The following SNTG1 variants were observed in gnomAD, a reference collection of about 807,000 sequenced individuals.
SNTG1 encodes the protein gamma-1-syntrophin.
SNTG1 carries 39 observed loss-of-function variants against 74.7 expected under a neutral mutation model. That is an observed-to-expected ratio of 0.52 (90% CI 0.40 to 0.68). The LOEUF is 0.68. Ranked by LOEUF, SNTG1 falls within the 30% of genes least tolerant of loss-of-function variation. The pLI is 0.00. For synonymous variants in SNTG1, 254 were observed against 217.1 expected, an observed-to-expected ratio of 1.17 and a Z score of -1.49; for missense variants, 685 against 609.5, an observed-to-expected ratio of 1.12 and a Z score of -1.30.
intron 2 of SNTG1, among the ~76,000 whole-genome samples, chr8:50,243,171 G>A (rs986457650): frequency 3.9e-5 from 1 of 25,734 alleles, no homozygotes; most frequent in Non-Finnish European, 4.0e-4. Flanking sequence ...AATGAGTCCT[G>A]AATTATCTTA....
intron 1 of SNTG1, among the ~76,000 whole-genome samples, chr8:50,017,405 A>T (rs551933694): frequency 6.6e-6 from 1 of 152,114 alleles, no homozygotes; most frequent in African/African-American, 2.4e-5. Flanking sequence ...CAAATAACAG[A>T]TGCAAATCCT....
chr8:50,037,477 A>C (rs1375648194), intron 1 of SNTG1, among the ~76,000 whole-genome samples: 1 of 152,198 alleles, frequency 6.6e-6, no homozygotes, highest in African/African-American at 2.4e-5. Flanking sequence ...CTGAAAATGA[A>C]ATTTATAGTA....
chr8:50,689,263 C>T (rs2095366879), intron 15 of SNTG1, among the ~76,000 whole-genome samples: 1 of 152,062 alleles, frequency 6.6e-6, no homozygotes, highest in Non-Finnish European at 1.5e-5. Context: ...GCCTGATTGC[C>T]CTGGCCAGAA....
intron 11 of SNTG1, 146 bp downstream of exon 11, chr8:50,536,954 A>C: frequency 9.6e-7 from 1 of 1,045,598 alleles, no homozygotes; most frequent in East Asian, 2.7e-5. Flanking sequence ...AATCTAACAA[A>C]GTTAAACACT....
intron 12 of SNTG1, among the ~76,000 whole-genome samples, chr8:50,557,192 G>A (rs1440946794): frequency 1.3e-5 from 2 of 150,918 alleles, no homozygotes; most frequent in Admixed American, 6.6e-5. Flanking sequence ...TGGTGGCAGG[G>A]GTAGAGGTTG....
chr8:50,444,036 G>A (rs13266691), intron 5 of SNTG1, among the ~76,000 whole-genome samples: 125,835 of 152,004 alleles, frequency 0.83, 52,527 homozygotes, highest in Non-Finnish European at 0.89. Flanking sequence ...TACTTGGGAG[G>A]CTGAGACAGG....
intron 4 of SNTG1, among the ~76,000 whole-genome samples, chr8:50,434,493 A>G (rs2093279455): frequency 6.6e-6 from 1 of 151,822 alleles, no homozygotes; most frequent in African/African-American, 2.4e-5. Flanking sequence ...TGAACAGTTT[A>G]CAGTCCCACC....
intron 5 of SNTG1, among the ~76,000 whole-genome samples, chr8:50,441,622 C>A (rs944171267): frequency 7.2e-5 from 11 of 152,102 alleles, no homozygotes; most frequent in African/African-American, 2.7e-4. Flanking sequence ...AAGTCCGAAT[C>A]CTTTTTCTTT....
At chr8:50,007,412 C>CTGTATATGTAA (rs1331131230) in intron 1 of SNTG1, among the ~76,000 whole-genome samples, 3 of 152,088 alleles carry the variant, frequency 2.0e-5, no homozygotes, top group Non-Finnish European at 4.4e-5. Context: ...AGATAGTTTT[C>CTGTATATGTAA]ACCATATTGT....
chr8:50,687,064 A>G (rs937715885), intron 15 of SNTG1, among the ~76,000 whole-genome samples: 1 of 150,988 alleles, frequency 6.6e-6, no homozygotes, highest in Non-Finnish European at 1.5e-5. Context: ...GAACCCGGGA[A>G]GCGGAGCTTG....
intron 15 of SNTG1, among the ~76,000 whole-genome samples, chr8:50,699,520 A>C (rs899257117): frequency 2.0e-5 from 3 of 152,248 alleles, no homozygotes; most frequent in Admixed American, 2.0e-4. Context: ...TGAAAAAAAA[A>C]CCTGTTGTTT....
intron 2 of SNTG1, among the ~76,000 whole-genome samples, chr8:50,357,210 G>A (rs2091842412): frequency 6.6e-6 from 1 of 152,030 alleles, no homozygotes; most frequent in Non-Finnish European, 1.5e-5. Flanking sequence ...CTGCAAATGA[G>A]GTTGTGCTTC....
chr8:50,372,275 C>G (rs1212359363), intron 2 of SNTG1, among the ~76,000 whole-genome samples: 2 of 151,256 alleles, frequency 1.3e-5, no homozygotes, highest in Non-Finnish European at 1.5e-5. Flanking sequence ...TTTTATGCAT[C>G]TTCTATAGTT....
In SNTG1 at chr8:50,032,611, G is replaced by A. The variant is rs118031746; in HGVS notation, c.-103+120380G>A. Among the ~76,000 whole-genome samples, 6 of 152,112 alleles carry A rather than the reference G, an allele frequency of 3.9e-5. No individual in the cohort carries two copies. The East Asian group carries it at 9.7e-4, about 25-fold the overall frequency. ...TTCTCCAGTAACCAATGTTCCAGTC[G>A]TGCCCAGGCCCATAGCTGCTCTGCT... On this transcript the variant is annotated intron_variant, in intron 1 of 18. Transcript: ENST00000642720.
At chr8:50,676,373 G>A (rs1050882043) in intron 15 of SNTG1, among the ~76,000 whole-genome samples, 3 of 151,794 alleles carry the variant, frequency 2.0e-5, no homozygotes, top group African/African-American at 7.2e-5. Flanking sequence ...CAGCAAGGTG[G>A]TCTCCAAACA....
chr8:50,530,520 C>G (rs1350458165), intron 10 of SNTG1, among the ~76,000 whole-genome samples: 1 of 152,178 alleles, frequency 6.6e-6, no homozygotes, highest in Non-Finnish European at 1.5e-5. Flanking sequence ...GTATAATATA[C>G]AATCATTTTA....
intron 11 of SNTG1, among the ~76,000 whole-genome samples, chr8:50,547,902 C>A (rs1366987821): frequency 6.6e-6 from 1 of 152,030 alleles, no homozygotes; most frequent in Non-Finnish European, 1.5e-5. Flanking sequence ...TTCGAGATGG[C>A]AGGATTCAGG....
At chr8:50,135,959 T>A (rs1462062088) in intron 1 of SNTG1, among the ~76,000 whole-genome samples, 1 of 152,166 alleles carries the variant, frequency 6.6e-6, no homozygotes, top group Non-Finnish European at 1.5e-5. Flanking sequence ...TGTGTCCATG[T>A]GTACTCAATG....
intron 1 of SNTG1, among the ~76,000 whole-genome samples, chr8:49,967,309 G>T (rs1811231487): frequency 6.6e-6 from 1 of 152,204 alleles, no homozygotes; most frequent in Non-Finnish European, 1.5e-5. Context: ...TTCTCAGGGA[G>T]CTTACAGTCT....
Sources: allele counts gnomAD v4.1 joint callset (sites outside exome capture counted in the v4.1 genomes callset), GRCh38; gene constraint gnomAD v4.1.1; transcripts MANE v1.5; gene names NCBI Gene and HGNC (gene_info 2026-07-23, HGNC 2026-07-21).